Variants in NFIX observed in about 807,000 individuals in gnomAD.
NFIX encodes the protein nuclear factor I X.
In NFIX, 2 loss-of-function variants were observed where a neutral mutation model predicts 53.3. The observed-to-expected ratio is 0.04, with a 90% CI of 0.02 to 0.12. The LOEUF is 0.12. NFIX is among the 10% of genes least tolerant of loss of function. The probability of loss-of-function intolerance (pLI) is 1.00; values close to 1 mark genes in which losing one functional copy is unlikely to be tolerated. For missense variants in NFIX, 310 were observed against 674.5 expected, an observed-to-expected ratio of 0.46 and a Z score of 5.99; for synonymous variants, 244 against 289.0, an observed-to-expected ratio of 0.84 and a Z score of 1.58.
rs1390257072 is a variant in NFIX at position 13,013,107 on chromosome 19, C to G, written c.28-11914C>G. On this transcript the variant is annotated intron_variant, in intron 1 of 10. Coordinates refer to ENST00000592199, the MANE Select transcript of NFIX (RefSeq NM_001365902.3). The surrounding 1 kb of genome is among the most constrained non-coding windows in gnomAD (Gnocchi z 5.9). ...AAACCCAAAACCTCCCCTCCAAGTC[C>G]CTTTCGATCTACGCCACCTTCCCTC... Among the ~76,000 whole-genome samples, 2 of 152,094 alleles carry G rather than the reference C, an allele frequency of 1.3e-5. No homozygotes were observed. The highest frequency in any genetic ancestry group is 2.9e-5 in the Non-Finnish European group (2 of 68,022).
chr19:13,088,261 G>A lies in NFIX; in HGVS notation c.1402+125G>A. The A allele has an allele frequency of 2.5e-6, 3 of 1,213,228 alleles. No homozygotes were observed. Among genetic ancestry groups the A allele is most frequent in the Non-Finnish European group, 3.4e-6 (3 of 887,072 alleles). The allele number at this position is 1,213,228 out of a possible 1,614,324, so 75.2% of individuals were successfully genotyped here. Reference sequence around the variant, plus strand: ...AAAGCCCCCCAACCCAGAGCACCATGGACAAGAGCAGAGCCGAGCCCCCCA... The same window carrying A: ...AAAGCCCCCCAACCCAGAGCACCATAGACAAGAGCAGAGCCGAGCCCCCCA... On this transcript the variant is annotated intron_variant, in intron 9 of 10. Transcript: ENST00000592199. The surrounding 1 kb of genome is among the most constrained non-coding windows in gnomAD (Gnocchi z 5.9).
At chr19:13,035,315 C>T (rs1057454186) in intron 2 of NFIX, among the ~76,000 whole-genome samples, 3 of 152,212 alleles carry the variant, frequency 2.0e-5, no homozygotes, top group African/African-American at 7.2e-5. Context: ...GGGGCTTTCC[C>T]CTTTCACCTC....
rs528115026 is a variant in NFIX, at chr19:13,001,490, C to T, written c.27+5626C>T. ...CGCACGTCAACGGGTATTGGTGTACCGGTCACCATCTTTGTATCTGCGCTT... is the reference window on the plus strand; with the variant it reads ...CGCACGTCAACGGGTATTGGTGTACTGGTCACCATCTTTGTATCTGCGCTT... On this transcript the variant is annotated intron_variant, in intron 1 of 10. Transcript: ENST00000592199. This position sits in a 1 kb window ranked among gnomAD's most constrained non-coding sequence, Gnocchi z 6.5. 1.3e-5 allele frequency among the ~76,000 whole-genome samples: 2 copies of T among 152,090 alleles called. No individual in the cohort carries two copies. Among genetic ancestry groups the T allele is most frequent in the African/African-American group, 4.8e-5 (2 of 41,396 alleles).
At chr19:13,024,517 A>G in intron 1 of NFIX, 1 of 1,514,384 alleles carries the variant, frequency 6.6e-7, no homozygotes, top group Non-Finnish European at 8.8e-7. Context: ...CCAAAAATCG[A>G]CCGGTGTCGG....
In NFIX at chr19:13,089,356, GGGGTGCA is replaced by G. The variant is rs2017998515; in HGVS notation, c.1403-939_1403-933del. Reference sequence around the variant, plus strand: ...TCCTCTGGGGGCATCTTCCCTTCTGGGGGTGCAGGGCCTGTTCCCTCCAGCAGGGCTC... The same window carrying G: ...TCCTCTGGGGGCATCTTCCCTTCTGGGGGCCTGTTCCCTCCAGCAGGGCTC... On this transcript the variant is annotated intron_variant, in intron 9 of 10. Coordinates refer to ENST00000592199, the MANE Select transcript of NFIX (RefSeq NM_001365902.3). This position sits in a 1 kb window ranked among gnomAD's most constrained non-coding sequence, Gnocchi z 4.8. 6.6e-6 allele frequency among the ~76,000 whole-genome samples: 1 copy of G among 152,146 alleles called. No homozygotes were observed. Among genetic ancestry groups the G allele is most frequent in the Non-Finnish European group, 1.5e-5 (1 of 68,000 alleles).
rs1046857422 is a variant in NFIX, at chr19:13,014,219, C to T, written c.28-10802C>T. 1 of 152,292 alleles carries T rather than the reference C, an allele frequency of 6.6e-6. No homozygotes were observed. Among genetic ancestry groups the T allele is most frequent in the South Asian group, 2.1e-4 (1 of 4,818 alleles). The allele number at this position is 152,292 out of a possible 1,614,324, so 9.4% of individuals were successfully genotyped here. ...TTTTTTTCTCACCCGCCGTTCCCTC[C>T]GCTCCGGTCTGATTCGCAAATCCCC... On this transcript the variant is annotated intron_variant, in intron 1 of 10. Transcript: ENST00000592199. This position sits in a 1 kb window ranked among gnomAD's most constrained non-coding sequence, Gnocchi z 4.4.
In NFIX at chr19:13,036,483, G is replaced by T. The variant is rs566373026; in HGVS notation, c.559+10931G>T. 5.9e-5 allele frequency among the ~76,000 whole-genome samples: 9 copies of T among 152,116 alleles called. No homozygotes were observed. The highest frequency in any genetic ancestry group is 1.3e-4 in the Non-Finnish European group (9 of 68,032). On this transcript the variant is annotated intron_variant, in intron 2 of 10. Coordinates refer to ENST00000592199, the MANE Select transcript of NFIX (RefSeq NM_001365902.3). This position sits in a 1 kb window ranked among gnomAD's most constrained non-coding sequence, Gnocchi z 4.7. ...TGAGTCTGCCAGTCTGGAGAAGGCT[G>T]CTCTCCAGACAGCTGAGAGTAGGGT...
At position 13,074,006 on chromosome 19, in the gene NFIX, C is replaced by T. The variant is rs765872504; in HGVS notation, c.798C>T (p.Ile266=). 5.6e-6 allele frequency: 9 copies of T among 1,613,998 alleles called. No individual in the cohort carries two copies. Among genetic ancestry groups the T allele is most frequent in the Non-Finnish European group, 1.7e-6 (2 of 1,179,872 alleles). ...INQVTLGRRS[I]TSPPSTSTTK... ...AGGTGACCCTGGGGCGGCGGTCCATCACCTCCCCTCCTTCCACCAGGTAAG... is the reference window on the plus strand; with the variant it reads ...AGGTGACCCTGGGGCGGCGGTCCATTACCTCCCCTCCTTCCACCAGGTAAG... Residue 266 remains isoleucine (I), a synonymous_variant, in exon 5 of 11, where the codon ATC becomes ATT. Coordinates refer to ENST00000592199, the MANE Select transcript of NFIX (RefSeq NM_001365902.3).
At position 13,012,931 on chromosome 19, in the gene NFIX, T is replaced by A. The variant is rs1427393524; in HGVS notation, c.28-12090T>A. 1.3e-5 allele frequency among the ~76,000 whole-genome samples: 2 copies of A among 148,606 alleles called. No individual in the cohort carries two copies. Among genetic ancestry groups the A allele is most frequent in the Non-Finnish European group, 1.5e-5 (1 of 66,236 alleles). On this transcript the variant is annotated intron_variant, in intron 1 of 10. Coordinates refer to ENST00000592199, the MANE Select transcript of NFIX (RefSeq NM_001365902.3). The surrounding 1 kb of genome is among the most constrained non-coding windows in gnomAD (Gnocchi z 5.0). ...GGAAATTTACCAGGGGAGATTTTTGTTTCCAGGGTTGGCTGGGTTTGGGGG... is the reference window on the plus strand; with the variant it reads ...GGAAATTTACCAGGGGAGATTTTTGATTCCAGGGTTGGCTGGGTTTGGGGG...
rs540104273 is a variant in NFIX, at chr19:12,998,274, C to T, written c.27+2410C>T. ...CCATCTCTGCTCCCCCCTCCACTGG[C>T]GTCTCGGACTCTCTCTCTCTCTGTC... is the stretch of plus-strand genomic sequence containing the variant. On this transcript the variant is annotated intron_variant, in intron 1 of 10. Coordinates refer to ENST00000592199, the MANE Select transcript of NFIX (RefSeq NM_001365902.3). This position sits in a 1 kb window ranked among gnomAD's most constrained non-coding sequence, Gnocchi z 4.4. 9.9e-5 allele frequency among the ~76,000 whole-genome samples: 15 copies of T among 151,920 alleles called. No individual in the cohort carries two copies. The highest frequency in any genetic ancestry group is 6.3e-4 in the South Asian group (3 of 4,798).
In NFIX at chr19:13,073,780, T is replaced by G; in HGVS notation, c.698-126T>G. ...TCCTCAGCAGCCCAGATGGCCCACT[T>G]TCTCCCATCTCCTGGCCCCACAGTA... On this transcript the variant is annotated intron_variant, in intron 4 of 10. Transcript: ENST00000592199. This position sits in a 1 kb window ranked among gnomAD's most constrained non-coding sequence, Gnocchi z 4.5. 5 of 1,306,460 alleles carry G rather than the reference T, an allele frequency of 3.8e-6. No individual in the cohort carries two copies. The highest frequency in any genetic ancestry group is 5.3e-6 in the Non-Finnish European group (5 of 937,732). 80.9% of individuals were successfully genotyped at this position (1,306,460 alleles called of 1,614,324 possible).
rs556214548 is a variant in NFIX, at chr19:12,998,404, G to A, written c.27+2540G>A. On this transcript the variant is annotated intron_variant, in intron 1 of 10. Transcript: ENST00000592199. This position sits in a 1 kb window ranked among gnomAD's most constrained non-coding sequence, Gnocchi z 4.4. The stretch of plus-strand genomic sequence containing the variant: ...AGTCAATAAATGATTGAGCAGGAAC[G>A]AGCTTGGAGCAGCGGGGCCCTGGCG... Among the ~76,000 whole-genome samples the A allele has an allele frequency of 2.0e-5, 3 of 151,930 alleles. No homozygotes were observed. Among genetic ancestry groups the A allele is most frequent in the African/African-American group, 7.2e-5 (3 of 41,402 alleles).
At chr19:12,999,688 C>T (rs1386753509) in intron 1 of NFIX, among the ~76,000 whole-genome samples, 2 of 152,202 alleles carry the variant, frequency 1.3e-5, no homozygotes, top group Non-Finnish European at 1.5e-5. Flanking sequence ...GCCGAACGTT[C>T]CTGTACTTCT....
chr19:13,090,544 C>T lies in NFIX; in HGVS notation c.1494+154C>T, dbSNP rs1231686690. On this transcript the variant is annotated intron_variant, in intron 10 of 10. Transcript: ENST00000592199. The surrounding 1 kb of genome is among the most constrained non-coding windows in gnomAD (Gnocchi z 6.6). ...TGGAGGGCCCAGGCTTTTGCACGCC[C>T]AGCTGAGCCTGTCTCCCCAGGCAGC... Among the ~76,000 whole-genome samples the T allele has an allele frequency of 6.6e-6, 1 of 152,170 alleles. No individual in the cohort carries two copies. Among genetic ancestry groups the T allele is most frequent in the East Asian group, 1.9e-4 (1 of 5,190 alleles).
rs1399303328 is a variant in NFIX, at chr19:13,002,335, G to T, written c.27+6471G>T. On this transcript the variant is annotated intron_variant, in intron 1 of 10. Coordinates refer to ENST00000592199, the MANE Select transcript of NFIX (RefSeq NM_001365902.3). The surrounding 1 kb of genome is among the most constrained non-coding windows in gnomAD (Gnocchi z 6.1). Reference sequence around the variant, plus strand: ...CTCCTCGATTTTTGGCTCCAGCTCTGGGCGCGTTCACTAAAGGAAGAAGGG... The same window carrying T: ...CTCCTCGATTTTTGGCTCCAGCTCTTGGCGCGTTCACTAAAGGAAGAAGGG... Among the ~76,000 whole-genome samples the T allele has an allele frequency of 6.6e-6, 1 of 151,944 alleles. No homozygotes were observed. The highest frequency in any genetic ancestry group is 1.5e-5 in the Non-Finnish European group (1 of 67,968).
intron 2 of NFIX, among the ~76,000 whole-genome samples, chr19:13,065,036 G>A (rs897795985): frequency 5.8e-5 from 2 of 34,192 alleles, no homozygotes; most frequent in African/African-American, 1.6e-4. Context: ...TCTGGAGCAC[G>A]GATGTGAATT....
At chr19:13,079,797 G>A (rs999952168) in intron 7 of NFIX, among the ~76,000 whole-genome samples, 2 of 152,264 alleles carry the variant, frequency 1.3e-5, no homozygotes, top group African/African-American at 4.8e-5. Flanking sequence ...TAATGAAACC[G>A]AGAGCAAGAG....
intron 1 of NFIX, among the ~76,000 whole-genome samples, chr19:13,019,928 T>C (rs969076296): frequency 2.0e-5 from 3 of 149,620 alleles, no homozygotes; most frequent in South Asian, 2.1e-4. Context: ...TTTTCCTTTT[T>C]TCCCCCCTTG....
intron 8 of NFIX, among the ~76,000 whole-genome samples, chr19:13,087,786 A>AG (rs1201884581): frequency 1.3e-5 from 2 of 149,570 alleles, no homozygotes; most frequent in Non-Finnish European, 3.0e-5. Context: ...AAAAAAAAAA[A>AG]AAAAAAAAAA....
Sources: allele counts gnomAD v4.1 joint callset (sites outside exome capture counted in the v4.1 genomes callset), GRCh38; gene constraint gnomAD v4.1.1; non-coding constraint Gnocchi (gnomAD v3.1); transcripts MANE v1.5; gene names NCBI Gene and HGNC (gene_info 2026-07-23, HGNC 2026-07-21).